Variants in ADK observed in about 807,000 individuals in gnomAD.
ADK encodes the protein N6,N6-dimethyladenosine kinase.
ADK carries 24 observed loss-of-function variants against 44.7 expected under a neutral mutation model. That is an observed-to-expected ratio of 0.54 (90% confidence interval 0.39 to 0.76). ADK has a LOEUF of 0.76. Among genes scored for constraint, ADK ranks in the 30% least tolerant of loss-of-function variants. The pLI, the probability that ADK is intolerant of heterozygous loss-of-function variation, is 0.00. For synonymous variants in ADK, 128 were observed against 142.6 expected, an observed-to-expected ratio of 0.90 and a Z score of 0.73; for missense variants, 321 against 425.1, an observed-to-expected ratio of 0.76 and a Z score of 2.15.
chr10:74,587,420 T>C (rs1382931391), intron 7 of ADK, among the ~76,000 whole-genome samples: 1 of 152,258 alleles, frequency 6.6e-6, no homozygotes, highest in Non-Finnish European at 1.5e-5. Flanking sequence ...TAACACTTCC[T>C]GTTGACTTCA....
At chr10:74,278,048 A>C (rs1054191564) in intron 3 of ADK, among the ~76,000 whole-genome samples, 3 of 151,958 alleles carry the variant, frequency 2.0e-5, no homozygotes, top group African/African-American at 7.3e-5. Context: ...TAATAGAAAA[A>C]TGTTGTGTCA....
intron 6 of ADK, among the ~76,000 whole-genome samples, chr10:74,473,833 G>A (rs1015664689): frequency 6.7e-6 from 1 of 148,552 alleles, no homozygotes. Context: ...ACTTGGGGGT[G>A]GGGGGGTAAA....
At chr10:74,243,957 A>G (rs1031526960) in intron 3 of ADK, among the ~76,000 whole-genome samples, 1 of 152,188 alleles carries the variant, frequency 6.6e-6, no homozygotes, top group African/African-American at 2.4e-5. Flanking sequence ...TATTACCTGT[A>G]TATAAAGAAT....
rs937941447 is a variant in ADK, at chr10:74,656,019, G to C, written c.878-14164G>C. ...CGCCTGCTCTTTCCTGCAGGAGCTG[G>C]TGTCTGTGGGCCTTGGAGAGAGTAG... On this transcript the variant is annotated intron_variant, in intron 9 of 10. Coordinates refer to ENST00000539909, the MANE Select transcript of ADK (RefSeq NM_006721.4). 5.2e-5 allele frequency: 32 copies of C among 611,798 alleles called. No individual in the cohort carries two copies. In the African/African-American group the frequency reaches 5.9e-4, roughly 11 times the overall value. 37.9% of individuals were successfully genotyped at this position (611,798 alleles called of 1,614,324 possible).
chr10:74,242,830 G>C (rs1845272234), intron 3 of ADK, among the ~76,000 whole-genome samples: 1 of 152,210 alleles, frequency 6.6e-6, no homozygotes, highest in African/African-American at 2.4e-5. Context: ...TTCGGGAAAA[G>C]AGATGGCTTG....
At chr10:74,188,372 G>A (rs534789890) in intron 1 of ADK, among the ~76,000 whole-genome samples, 10 of 96,744 alleles carry the variant, frequency 1.0e-4, no homozygotes, top group Non-Finnish European at 1.5e-4. Context: ...TTTTTGAGAC[G>A]GGGTCTTGCT....
At chr10:74,342,817 T>TGTGTGTGTGTGTGTGTGTG (rs1564664123) in intron 4 of ADK, among the ~76,000 whole-genome samples, 4 of 98,366 alleles carry the variant, frequency 4.1e-5, no homozygotes, top group African/African-American at 2.3e-4. Context: ...GTGTGTGTGT[T>TGTGTGTGTGTGTGTGTGTG]TTAATATTGA....
At chr10:74,555,611 GAAA>G (rs146068579) in intron 7 of ADK, among the ~76,000 whole-genome samples, 12 of 115,440 alleles carry the variant, frequency 1.0e-4, no homozygotes, top group Non-Finnish European at 9.4e-5. Flanking sequence ...ACCTTGTCTC[GAAA>G]AAAAAAAAAA....
At chr10:74,520,435 A>G (rs75268276) in intron 6 of ADK, among the ~76,000 whole-genome samples, 7,302 of 151,926 alleles carry the variant, frequency 0.048, 539 homozygotes, top group African/African-American at 0.15. Flanking sequence ...AGTTATAAAT[A>G]ACTGAAATTT....
At chr10:74,568,445 A>G (rs1850778343) in intron 7 of ADK, among the ~76,000 whole-genome samples, 1 of 152,182 alleles carries the variant, frequency 6.6e-6, no homozygotes, top group Non-Finnish European at 1.5e-5. Context: ...TCTAGGCTCC[A>G]TCTGTTACAG....
At chr10:74,387,859 G>T (rs1843195922) in intron 4 of ADK, among the ~76,000 whole-genome samples, 1 of 151,810 alleles carries the variant, frequency 6.6e-6, no homozygotes, top group East Asian at 1.9e-4. Flanking sequence ...ACCCTATACT[G>T]TACTAAACTG....
intron 6 of ADK, among the ~76,000 whole-genome samples, chr10:74,426,794 TA>T (rs1358356224): frequency 1.3e-5 from 2 of 152,164 alleles, no homozygotes; most frequent in East Asian, 1.9e-4. Flanking sequence ...TTTTTTTTCT[TA>T]TTTTTTTATT....
At chr10:74,273,228 T>C (rs1046326934) in intron 3 of ADK, among the ~76,000 whole-genome samples, 5 of 151,868 alleles carry the variant, frequency 3.3e-5, no homozygotes, top group African/African-American at 1.2e-4. Context: ...TCTACCTCAG[T>C]TGCGGAGAGC....
At chr10:74,495,274 TTTTC>T (rs1847641051) in intron 6 of ADK, among the ~76,000 whole-genome samples, 1 of 152,124 alleles carries the variant, frequency 6.6e-6, no homozygotes, top group Non-Finnish European at 1.5e-5. Flanking sequence ...ATTTTTCATT[TTTTC>T]TTTCTTTTTG....
At chr10:74,592,476 C>A (rs1488847120) in intron 8 of ADK, among the ~76,000 whole-genome samples, 1 of 152,052 alleles carries the variant, frequency 6.6e-6, no homozygotes, top group African/African-American at 2.4e-5. Flanking sequence ...TATTCTCTAT[C>A]TTTTCATTGT....
chr10:74,695,943 C>T (rs1191554204), intron 10 of ADK, among the ~76,000 whole-genome samples: 2 of 151,550 alleles, frequency 1.3e-5, no homozygotes, highest in Non-Finnish European at 2.9e-5. Context: ...CCCAGCCTCC[C>T]TTTACAATTC....
intron 3 of ADK, among the ~76,000 whole-genome samples, chr10:74,307,261 G>C (rs1052427607): frequency 6.6e-6 from 1 of 152,260 alleles, no homozygotes; most frequent in Non-Finnish European, 1.5e-5. Flanking sequence ...AACTATTTTG[G>C]TTAACCTCTT....
chr10:74,228,042 G>C (rs1462610853), intron 3 of ADK, among the ~76,000 whole-genome samples: 1 of 151,924 alleles, frequency 6.6e-6, no homozygotes, highest in Non-Finnish European at 1.5e-5. Flanking sequence ...CAATAAGAGA[G>C]TACAATGATA....
intron 10 of ADK, among the ~76,000 whole-genome samples, chr10:74,672,250 A>C (rs1348104751): frequency 6.6e-6 from 1 of 152,206 alleles, no homozygotes; most frequent in East Asian, 1.9e-4. Flanking sequence ...AGTCATATAC[A>C]GGCTGTATTG....
Sources: allele counts gnomAD v4.1 joint callset (sites outside exome capture counted in the v4.1 genomes callset), GRCh38; gene constraint gnomAD v4.1.1; transcripts MANE v1.5; gene names NCBI Gene and HGNC (gene_info 2026-07-23, HGNC 2026-07-21).